Variants in TCF20 observed in about 807,000 individuals in gnomAD.
TCF20 encodes transcription factor 20, also known as SPRE-binding protein.
In TCF20, 3 loss-of-function variants were observed where a neutral mutation model predicts 148.6. The observed-to-expected ratio is 0.02, with a 90% confidence interval of 0.01 to 0.05. The LOEUF (loss-of-function observed/expected upper bound fraction) is 0.05, where lower values mean the gene tolerates loss of function less well. Among genes scored for constraint, TCF20 ranks in the 10% least tolerant of loss-of-function variants. TCF20 has a pLI of 1.00. For synonymous variants in TCF20, 1,049 were observed against 909.5 expected (o/e 1.15, Z -2.76); for missense variants, 2,350 against 2,429.3 (o/e 0.97, Z 0.69).
At chr22:42,283,535 C>A (rs1926958779) in intron 1 of TCF20, among the ~76,000 whole-genome samples, 1 of 152,180 alleles carries the variant, frequency 6.6e-6, no homozygotes, top group African/African-American at 2.4e-5. Flanking sequence ...TCCCGGCCAC[C>A]CTCCTGGGCA....
intron 1 of TCF20, among the ~76,000 whole-genome samples, chr22:42,266,777 TCAAAA>T (rs1314804085): frequency 6.6e-6 from 1 of 152,098 alleles, no homozygotes; most frequent in East Asian, 1.9e-4. Flanking sequence ...AGACTCCGTC[TCAAAA>T]CAAACAAACA....
intron 1 of TCF20, among the ~76,000 whole-genome samples, chr22:42,314,486 C>T (rs981307303): frequency 4.6e-5 from 7 of 152,216 alleles, no homozygotes; most frequent in African/African-American, 1.2e-4. Context: ...GGCGGGCAGG[C>T]GGCCAGGCAT....
At chr22:42,207,032 G>A (rs1441261729) in intron 2 of TCF20, among the ~76,000 whole-genome samples, 2 of 152,192 alleles carry the variant, frequency 1.3e-5, no homozygotes, top group Admixed American at 1.3e-4. Context: ...TGAGTGCAGT[G>A]GAGGAGCCCC....
rs1417696223 is a variant in TCF20, at chr22:42,211,619, T to A, written c.3687A>T (p.Ser1229=). ...TCAGCATAACACTACCAGGTTTGGA[T>A]GACTGTGTAGCCTCAGCTAGTCCAT... The part of the protein sequence containing the change: ...DGHGLAEATQ[S]SKPGSVMLRL... Residue 1229 remains serine (S), a synonymous_variant, in exon 2 of 6, where the codon TCA becomes TCT. Coordinates refer to ENST00000677622, the MANE Select transcript of TCF20 (RefSeq NM_001378418.1). 1 of 1,614,094 alleles carries A rather than the reference T, an allele frequency of 6.2e-7. No individual in the cohort carries two copies. The highest frequency in any genetic ancestry group is 2.2e-5 in the East Asian group (1 of 44,902).
rs1341748634 is a variant in TCF20 at position 42,210,296 on chromosome 22, C to A, written c.5010G>T (p.Leu1670=). 1 of 1,614,194 alleles carries A rather than the reference C, an allele frequency of 6.2e-7. No individual in the cohort carries two copies. Among genetic ancestry groups the A allele is most frequent in the Admixed American group, 1.7e-5 (1 of 60,028 alleles). The change falls in exon 2 of 6, where the codon CTG becomes CTT. Residue 1670 remains leucine (L), a synonymous_variant. Coordinates refer to ENST00000677622, the MANE Select transcript of TCF20 (RefSeq NM_001378418.1). This position sits in a 1 kb window ranked among gnomAD's most constrained non-coding sequence, Gnocchi z 4.7. ...TTTCAGTGCTGCTAGGTGGAGGGGT[C>A]AGTGACCTCTGACCCTTCCTGCCCC... is the stretch of plus-strand genomic sequence containing the variant. ...LVRGRKGQRS[L]TPPPSSTESK... is the part of the protein sequence containing the mutation.
At chr22:42,295,478 T>C (rs1927217336) in intron 1 of TCF20, among the ~76,000 whole-genome samples, 1 of 150,910 alleles carries the variant, frequency 6.6e-6, no homozygotes, top group South Asian at 2.1e-4. Flanking sequence ...AGTTTTGCTC[T>C]TGTTGCCCGG....
Position 42,301,876 on chromosome 22 carries a change from C to T in TCF20, c.-37+41603G>A, listed in dbSNP as rs552378272. 7.9e-5 allele frequency among the ~76,000 whole-genome samples: 12 copies of T among 152,372 alleles called. No individual in the cohort carries two copies. In the South Asian group the frequency reaches 1.2e-3, roughly 16 times the overall value. The stretch of plus-strand genomic sequence containing the variant: ...TCCAGTGCACAGCCGCTTGGCTGGA[C>T]GGCCACGGGGGCTGGTGTGAGCAAG... On this transcript the variant is annotated intron_variant, in intron 1 of 1. Transcript: ENST00000515426.
chr22:42,208,475 A>T (rs1241535126), intron 2 of TCF20, among the ~76,000 whole-genome samples: 1 of 152,076 alleles, frequency 6.6e-6, no homozygotes, highest in Admixed American at 6.6e-5. Flanking sequence ...AAAAATATAA[A>T]TATTAGCTGG....
chr22:42,212,786 T>C lies in TCF20; in HGVS notation c.2520A>G (p.Pro840=). ...GCTCTATTTCAAACTTTCTGGGAAT[T>C]GGATAGTCAGTCAAATTGATCTGTT... ...EMKQINLTDY[P]IPRKFEIEPQ... is the part of the protein sequence containing the mutation. The change falls in exon 2 of 6, where the codon CCA becomes CCG. Residue 840 remains proline, a synonymous_variant. Coordinates refer to ENST00000677622, the MANE Select transcript of TCF20 (RefSeq NM_001378418.1). The C allele has an allele frequency of 6.2e-7, 1 of 1,614,220 alleles. No individual in the cohort carries two copies. Among genetic ancestry groups the C allele is most frequent in the Non-Finnish European group, 8.5e-7 (1 of 1,180,038 alleles).
intron 2 of TCF20, among the ~76,000 whole-genome samples, chr22:42,184,758 A>C (rs1478392808): frequency 6.6e-6 from 1 of 152,248 alleles, no homozygotes; most frequent in African/African-American, 2.4e-5. Context: ...TTTTAATAGT[A>C]AATTTTTTAT....
intron 2 of TCF20, among the ~76,000 whole-genome samples, chr22:42,190,580 G>A (rs554692966): frequency 1.4e-4 from 21 of 152,296 alleles, no homozygotes; most frequent in African/African-American, 4.6e-4. Flanking sequence ...TACAAAGGCC[G>A]TCTGTGCTTG....
At chr22:42,327,617 C>T (rs1227691893) in intron 1 of TCF20, among the ~76,000 whole-genome samples, 3 of 151,954 alleles carry the variant, frequency 2.0e-5, no homozygotes, top group Admixed American at 6.6e-5. Context: ...GACAGTGAGC[C>T]CATTTTATAG....
At chr22:42,188,292 TCAAAAAAAAA>T (rs1937146874) in intron 2 of TCF20, among the ~76,000 whole-genome samples, 1 of 1,086 alleles carries the variant, frequency 9.2e-4, no homozygotes, top group Non-Finnish European at 3.2e-3. Context: ...AAACTCCGTC[TCAAAAAAAAA>T]AAAAAAAAAA....
intron 1 of TCF20, among the ~76,000 whole-genome samples, chr22:42,227,695 A>G (rs1923039880): frequency 6.6e-6 from 1 of 152,206 alleles, no homozygotes; most frequent in African/African-American, 2.4e-5. Flanking sequence ...CCTGACTTCC[A>G]TGTCCCTGCC....
chr22:42,224,778 T>C (rs915130783), intron 1 of TCF20, among the ~76,000 whole-genome samples: 19 of 152,152 alleles, frequency 1.2e-4, no homozygotes, highest in African/African-American at 3.9e-4. Context: ...TCTAGCACCA[T>C]AGAAAATTAC....
chr22:42,212,538 G>A lies in TCF20; in HGVS notation c.2768C>T (p.Ser923Phe), dbSNP rs767105462. Residue 923 changes from serine (S) to phenylalanine (F), a missense_variant, in exon 2 of 6, where the codon TCC becomes TTC. By Grantham distance (155) the Ser-to-Phe change is radical. This residue lies in a region of TCF20 where 1,641 missense variants were observed against 1,662.6 expected (regional missense o/e 0.99). Transcript: ENST00000677622. ...TTCCTCTTTTATCTGCCCGCTCTGG[G>A]ATTTCAGCTTGGTTTCCATGGACAC... ...GLVSMETKLK[S>F]QSGQIKEEDF... is the part of the protein sequence containing the mutation. 1 of 1,613,956 alleles carries A rather than the reference G, an allele frequency of 6.2e-7. No individual in the cohort carries two copies. The highest frequency in any genetic ancestry group is 2.2e-5 in the East Asian group (1 of 44,878).
chr22:42,327,726 T>C (rs1025380173), intron 1 of TCF20, among the ~76,000 whole-genome samples: 1 of 151,506 alleles, frequency 6.6e-6, no homozygotes, highest in African/African-American at 2.4e-5. Flanking sequence ...CTTCTAGGCC[T>C]GGGGCTCTAA....
chr22:42,312,340 C>T (rs1161824545), intron 1 of TCF20, among the ~76,000 whole-genome samples: 1 of 152,166 alleles, frequency 6.6e-6, no homozygotes, highest in Non-Finnish European at 1.5e-5. Flanking sequence ...AGACCAGCAG[C>T]TGCTGAGAAT....
At chr22:42,246,005 T>C (rs188213742) in intron 1 of TCF20, among the ~76,000 whole-genome samples, 1 of 152,236 alleles carries the variant, frequency 6.6e-6, no homozygotes. Context: ...GTACTAGGAC[T>C]CATCCCCAAA....
Sources: allele counts gnomAD v4.1 joint callset (sites outside exome capture counted in the v4.1 genomes callset), GRCh38; gene constraint gnomAD v4.1.1; regional missense constraint gnomAD v4.1.1; non-coding constraint Gnocchi (gnomAD v3.1); transcripts MANE v1.5; gene names NCBI Gene and HGNC (gene_info 2026-07-23, HGNC 2026-07-21).